The following ORC2 variants were observed in gnomAD, a reference collection of about 807,000 sequenced individuals.
ORC2 encodes the protein origin recognition complex subunit 2.
A neutral mutation model predicts 77.7 loss-of-function variants in ORC2; 37 were observed. The observed-to-expected ratio is 0.48, with a 90% CI of 0.37 to 0.63. The LOEUF is 0.63. Ranked by LOEUF, ORC2 falls within the 20% of genes least tolerant of loss-of-function variation. The probability of loss-of-function intolerance (pLI) is 0.00; values close to 1 mark genes in which losing one functional copy is unlikely to be tolerated. For synonymous variants in ORC2, 201 were observed against 229.5 expected (o/e 0.88, Z 1.12); for missense variants, 557 against 661.9 (o/e 0.84, Z 1.74).
At chr2:200,945,469 C>CTGAGAAGCTTCCTGGGAAGT (rs2041233873) in intron 5 of ORC2, among the ~76,000 whole-genome samples, 1 of 152,068 alleles carries the variant, frequency 6.6e-6, no homozygotes, top group African/African-American at 2.4e-5. Context: ...GGAAAGGAAG[C>CTGAGAAGCTTCCTGGGAAGT]TGAGGCAGGA....
In ORC2 at chr2:200,957,494, T is replaced by A. The variant is rs1013118324; in HGVS notation, c.145A>T (p.Ile49Leu). Residue 49 changes from isoleucine to leucine, a missense_variant, in exon 4 of 18, where the codon ATA becomes TTA. Physicochemically the swap from Ile to Leu is conservative, Grantham distance 5. Transcript: ENST00000234296. ...AAATCATATTCTGGCTTCTTTATTATTTTTTTGGGGTTGACCAAAAGCTGC... is the reference window on the plus strand; with the variant it reads ...AAATCATATTCTGGCTTCTTTATTAATTTTTTGGGGTTGACCAAAAGCTGC... ...RAQLLVNPKK[I>L]IKKPEYDLEE... 1.2e-6 allele frequency: 2 copies of A among 1,608,184 alleles called. No homozygotes were observed. The highest frequency in any genetic ancestry group is 1.3e-5 in the African/African-American group (1 of 74,630).
chr2:200,925,372 G>A (rs533574271), intron 13 of ORC2, among the ~76,000 whole-genome samples: 2 of 152,036 alleles, frequency 1.3e-5, no homozygotes, highest in African/African-American at 2.4e-5. Context: ...TTTCTTTCCT[G>A]TTAAGTTCAC....
At chr2:200,920,584 A>G (rs958822836) in intron 14 of ORC2, among the ~76,000 whole-genome samples, 191 bp from the exon 15 acceptor site, 2 of 152,184 alleles carry the variant, frequency 1.3e-5, no homozygotes, top group Non-Finnish European at 2.9e-5. Context: ...CTGAACCTTT[A>G]TTTTCAATTA....
chr2:200,958,850 G>A (rs1407771878), intron 2 of ORC2, among the ~76,000 whole-genome samples: 1 of 152,094 alleles, frequency 6.6e-6, no homozygotes, highest in Admixed American at 6.6e-5. Flanking sequence ...CTATGCTACT[G>A]GCCTGAAAAT....
chr2:200,929,393 G>T (rs571937703), intron 11 of ORC2, among the ~76,000 whole-genome samples: 20 of 152,300 alleles, frequency 1.3e-4, no homozygotes, highest in Admixed American at 1.1e-3. Flanking sequence ...GATTAACTTA[G>T]CTGTCATGGA....
intron 4 of ORC2, among the ~76,000 whole-genome samples, chr2:200,950,321 A>G (rs949580966): frequency 6.6e-6 from 1 of 152,170 alleles, no homozygotes; most frequent in Non-Finnish European, 1.5e-5. Context: ...ATAAAGTGAT[A>G]AAGTATCAAA....
intron 4 of ORC2, among the ~76,000 whole-genome samples, chr2:200,956,267 T>C (rs895171275): frequency 6.6e-6 from 1 of 151,920 alleles, no homozygotes; most frequent in Admixed American, 6.6e-5. Context: ...TCTCACTCTG[T>C]TGCCCAGGCT....
intron 10 of ORC2, among the ~76,000 whole-genome samples, chr2:200,932,775 C>G (rs980727362): frequency 6.6e-6 from 1 of 152,176 alleles, no homozygotes; most frequent in Non-Finnish European, 1.5e-5. Context: ...CACTTTTCCT[C>G]TTATGCCTCT....
At chr2:200,959,066 C>T (rs1044732264) in intron 2 of ORC2, among the ~76,000 whole-genome samples, 2 of 152,106 alleles carry the variant, frequency 1.3e-5, no homozygotes, top group African/African-American at 2.4e-5. Flanking sequence ...TTGCTGCAGC[C>T]TCAACCACCT....
At position 200,910,100 on chromosome 2, in the gene ORC2, A is replaced by T. The variant is rs907063257; in HGVS notation, c.*1201T>A. ...TTATATGCCACAAGAAAAATTATTT[A>T]AAAATTCCAAGGATTTTTGGAAATA... is the stretch of plus-strand genomic sequence containing the variant. On this transcript the variant is annotated 3_prime_UTR_variant, in exon 18 of 18. Transcript: ENST00000234296. 1 of 152,220 alleles carries T rather than the reference A, an allele frequency of 6.6e-6. No homozygotes were observed. Among genetic ancestry groups the T allele is most frequent in the African/African-American group, 2.4e-5 (1 of 41,450 alleles). 9.4% of individuals were successfully genotyped at this position (152,220 alleles called of 1,614,324 possible). A position where few individuals can be genotyped will look rare whatever the true frequency, so the allele number is the denominator to read the frequency against.
intron 7 of ORC2, among the ~76,000 whole-genome samples, chr2:200,940,732 G>A (rs16836086): frequency 6.6e-6 from 1 of 152,112 alleles, no homozygotes; most frequent in Non-Finnish European, 1.5e-5. Context: ...AACCTGGAAG[G>A]TGGAGGTTGC....
intron 13 of ORC2, among the ~76,000 whole-genome samples, chr2:200,924,229 C>T (rs1320874682): frequency 6.6e-6 from 1 of 151,954 alleles, no homozygotes; most frequent in Admixed American, 6.6e-5. Context: ...TGCCTGTAGT[C>T]CCAGCTAATG....
chr2:200,962,808 C>T (rs1162638856), intron 1 of ORC2, among the ~76,000 whole-genome samples: 1 of 152,130 alleles, frequency 6.6e-6, no homozygotes, highest in African/African-American at 2.4e-5. Context: ...TGCAATTTAA[C>T]TGCGGGAAAG....
intron 15 of ORC2, among the ~76,000 whole-genome samples, chr2:200,917,680 A>G (rs1022917887): frequency 3.3e-5 from 5 of 152,164 alleles, no homozygotes; most frequent in Non-Finnish European, 7.4e-5. Flanking sequence ...ATGGGATTAT[A>G]ACAATGTCAA....
intron 15 of ORC2, among the ~76,000 whole-genome samples, chr2:200,915,745 G>C (rs1024016681): frequency 2.0e-5 from 3 of 151,882 alleles, no homozygotes. Context: ...CCAGGTTGGA[G>C]TGCAGTGGTG....
At chr2:200,950,926 G>A (rs2041343145) in intron 4 of ORC2, among the ~76,000 whole-genome samples, 1 of 152,264 alleles carries the variant, frequency 6.6e-6, no homozygotes, top group South Asian at 2.1e-4. Context: ...AATCATTAAT[G>A]ACACTGAACA....
At chr2:200,948,010 G>A (rs559202735) in intron 5 of ORC2, among the ~76,000 whole-genome samples, 192 of 151,978 alleles carry the variant, frequency 1.3e-3, no homozygotes, top group Non-Finnish European at 2.2e-3. Context: ...CCGGGTTCAC[G>A]CCATTCTCCT....
chr2:200,921,325 T>C, intron 13 of ORC2, 186 bp from the exon 14 acceptor site: 1 of 339,418 alleles, frequency 2.9e-6, no homozygotes. Flanking sequence ...GCCTGGCTAA[T>C]TGTTTTTTTG....
At chr2:200,917,919 T>C (rs1221322073) in intron 15 of ORC2, among the ~76,000 whole-genome samples, 5 of 151,514 alleles carry the variant, frequency 3.3e-5, no homozygotes, top group Non-Finnish European at 4.4e-5. Context: ...AAAAAAGATA[T>C]CCCCAAAGTC....
Sources: allele counts gnomAD v4.1 joint callset (sites outside exome capture counted in the v4.1 genomes callset), GRCh38; gene constraint gnomAD v4.1.1; transcripts MANE v1.5; gene names NCBI Gene and HGNC (gene_info 2026-07-23, HGNC 2026-07-21).